Variants in CFD observed in about 807,000 individuals in gnomAD.
The protein encoded by CFD is C3 convertase activator.
A neutral mutation model predicts 21.1 loss-of-function variants in CFD; 24 were observed. That is an observed-to-expected ratio of 1.14 (90% CI 0.82 to 1.60). The LOEUF (loss-of-function observed/expected upper bound fraction) is 1.60. CFD is among the 40% of genes most tolerant of loss of function. The pLI is 0.00. For missense variants in CFD, 535 were observed against 383.3 expected (o/e 1.40, Z -3.31); for synonymous variants, 242 against 175.9 (o/e 1.38, Z -2.97).
intron 4 of CFD, 128 bp downstream of exon 4, chr19:862,084 A>G: frequency 3.7e-6 from 5 of 1,354,202 alleles, no homozygotes; most frequent in Non-Finnish European, 4.8e-6. Context: ...AGGGGGCGGG[A>G]ACTGGAAGAT....
chr19:861,248 A>T (rs1228375719), intron 3 of CFD, among the ~76,000 whole-genome samples: 16 of 86,946 alleles, frequency 1.8e-4, no homozygotes, highest in African/African-American at 6.6e-4. Flanking sequence ...CTGCATGGGG[A>T]CCCCGCCCCA....
At chr19:861,977 G>A (rs1176391172) in intron 4 of CFD, 21 bp downstream of exon 4, 7 of 1,533,960 alleles carry the variant, frequency 4.6e-6, no homozygotes, top group Non-Finnish European at 6.1e-6. Context: ...AGGCCTGGGA[G>A]GAGACGCGGG....
rs1336889613 is a variant in CFD at position 863,130 on chromosome 19, C to T, written c.654C>T (p.Leu218=). ...GCCCGCTGGTGTGCGGGGGCGTGCT[C>T]GAGGGCGTGGTCACCTCGGGCTCGC... ...SGGPLVCGGV[L]EGVVTSGSRV... Residue 218 remains leucine (L), a synonymous_variant, in exon 5 of 5, where the codon CTC becomes CTT. Coordinates refer to ENST00000327726, the MANE Select transcript of CFD (RefSeq NM_001928.4). The T allele has an allele frequency of 4.6e-6, 7 of 1,532,404 alleles. No individual in the cohort carries two copies. The highest frequency in any genetic ancestry group is 1.2e-5 in the South Asian group (1 of 83,940). The allele number at this position is 1,532,404 out of a possible 1,614,324, so 94.9% of individuals were successfully genotyped here.
Position 860,672 on chromosome 19 carries a change from G to A in CFD, c.111G>A (p.Arg37=). 1 of 1,530,166 alleles carries A rather than the reference G, an allele frequency of 6.5e-7. No homozygotes were observed. The highest frequency in any genetic ancestry group is 8.7e-7 in the Non-Finnish European group (1 of 1,147,848). 94.8% of individuals were successfully genotyped at this position (1,530,166 alleles called of 1,614,324 possible). The part of the protein sequence containing the change: ...LGGREAEAHA[R]PYMASVQLNG... The stretch of plus-strand genomic sequence containing the variant: ...GCAGAGAGGCCGAGGCGCACGCGCG[G>A]CCCTACATGGCGTCGGTGCAGCTGA... The change falls in exon 2 of 5, where the codon CGG becomes CGA. Residue 37 remains arginine (R), a synonymous_variant. Coordinates refer to ENST00000327726, the MANE Select transcript of CFD (RefSeq NM_001928.4).
chr19:860,991 C>A lies in CFD; in HGVS notation c.343C>A (p.Leu115Ile). 17 of 1,598,826 alleles carry A rather than the reference C, an allele frequency of 1.1e-5. No homozygotes were observed. Among genetic ancestry groups the A allele is most frequent in the Non-Finnish European group, 1.4e-5 (17 of 1,179,554 alleles). The change falls in exon 3 of 5, where the codon CTC (leucine) becomes ATC (isoleucine). Residue 115 changes from leucine (L) to isoleucine (I), a missense_variant. Leu to Ile is a conservative substitution (Grantham distance 5). Coordinates refer to ENST00000327726, the MANE Select transcript of CFD (RefSeq NM_001928.4). ...CCAGCCCGACACCATCGACCACGAC[C>A]TCCTGCTGCTACAGGTCGGCCCCGT... ...DSQPDTIDHD[L>I]LLLQLSEKAT...
At position 860,940 on chromosome 19, in the gene CFD, C is replaced by T. The variant is rs771039898; in HGVS notation, c.292C>T (p.Leu98Phe). 1.2e-6 allele frequency: 2 copies of T among 1,601,178 alleles called. No individual in the cohort carries two copies. The highest frequency in any genetic ancestry group is 1.7e-5 in the Admixed American group (1 of 59,842). ...GCCCTCCAAGCGCCTGTACGACGTG[C>T]TCCGCGCAGTGCCCCACCCGGACAG... ...PEPSKRLYDV[L>F]RAVPHPDSQP... Residue 98 changes from leucine (L) to phenylalanine (F), a missense_variant, in exon 3 of 5, where the codon CTC becomes TTC. Leu to Phe is a conservative substitution (Grantham distance 22). Coordinates refer to ENST00000327726, the MANE Select transcript of CFD (RefSeq NM_001928.4).
chr19:863,545 T>C lies in CFD; in HGVS notation c.*307T>C, dbSNP rs1012812525. 2 of 437,300 alleles carry C rather than the reference T, an allele frequency of 4.6e-6. No homozygotes were observed. The highest frequency in any genetic ancestry group is 4.1e-5 in the African/African-American group (2 of 48,560). 27.1% of individuals were successfully genotyped at this position (437,300 alleles called of 1,614,324 possible). Reference sequence around the variant, plus strand: ...TGAACGCAGGAGGCTGAGGCTGCAGTGAGTTGTGATTGCACCACTGCCCTC... The same window carrying C: ...TGAACGCAGGAGGCTGAGGCTGCAGCGAGTTGTGATTGCACCACTGCCCTC... On this transcript the variant is annotated 3_prime_UTR_variant, in exon 5 of 5. Transcript: ENST00000327726.
In CFD at chr19:861,818, G is replaced by A; in HGVS notation, c.477G>A (p.Ala159=). ...CCGGCTGGGGCATAGTCAACCACGC[G>A]GGCCGCCGCCCGGACAGCCTGCAGC... ...DVAGWGIVNH[A]GRRPDSLQHV... The change falls in exon 4 of 5, where the codon GCG becomes GCA. Residue 159 remains alanine, a synonymous_variant. Coordinates refer to ENST00000327726, the MANE Select transcript of CFD (RefSeq NM_001928.4). 2 of 1,602,608 alleles carry A rather than the reference G, an allele frequency of 1.2e-6. No homozygotes were observed. Among genetic ancestry groups the A allele is most frequent in the Non-Finnish European group, 1.7e-6 (2 of 1,179,050 alleles).
intron 1 of CFD, 81 bp from the exon 2 acceptor site, chr19:860,536 G>A (rs899735197): frequency 1.2e-5 from 16 of 1,322,100 alleles, no homozygotes; most frequent in Non-Finnish European, 1.6e-5. Flanking sequence ...GGCCTGGGGG[G>A]TGAGAGCTGG....
chr19:860,049 G>C (rs542731477), intron 1 of CFD, among the ~76,000 whole-genome samples: 1 of 152,156 alleles, frequency 6.6e-6, no homozygotes, highest in Non-Finnish European at 1.5e-5. Context: ...CCAACTGGAA[G>C]GCACTGCGCC....
rs1460833216 is a variant in CFD, at chr19:861,970, C to A, written c.615+14C>A. On this transcript the variant is annotated intron_variant, in intron 4 of 4. Coordinates refer to ENST00000327726, the MANE Select transcript of CFD (RefSeq NM_001928.4). ...GACAGCTGCAAGGTGAGCCTTCAGG[C>A]CTGGGAGGAGACGCGGGGCCTGCAG... The A allele has an allele frequency of 1.3e-6, 2 of 1,537,556 alleles. No homozygotes were observed. Among genetic ancestry groups the A allele is most frequent in the African/African-American group, 2.7e-5 (2 of 73,164 alleles).
rs773193166 is a variant in CFD at position 860,723 on chromosome 19, C to A, written c.162C>A (p.Val54=). 4 of 1,565,186 alleles carry A rather than the reference C, an allele frequency of 2.6e-6. No individual in the cohort carries two copies. Among genetic ancestry groups the A allele is most frequent in the South Asian group, 2.3e-5 (2 of 87,116 alleles). Residue 54 remains valine, a synonymous_variant, in exon 2 of 5, where the codon GTC becomes GTA. Coordinates refer to ENST00000327726, the MANE Select transcript of CFD (RefSeq NM_001928.4). ...ACGGCGCGCACCTGTGCGGCGGCGT[C>A]CTGGTGGCGGAGCAGTGGGTGCTGA... ...QLNGAHLCGG[V]LVAEQWVLSA...
rs776791472 is a variant in CFD at position 861,912 on chromosome 19, G to T, written c.571G>T (p.Glu191Ter). ...CACGCACCACGACGGCGCCATCACC[G>T]AGCGCTTGATGTGCGCGGAGAGCAA... is the stretch of plus-strand genomic sequence containing the variant. ...RRTHHDGAITERLMCAESNRR... is the reference protein window; with the variant it reads ...RRTHHDGAIT Residue 191 changes from glutamate to a stop codon, truncating the protein, a stop_gained, in exon 4 of 5, where the codon GAG (glutamate) becomes TAG (stop). Transcript: ENST00000327726. LOFTEE classifies it low-confidence loss of function (END_TRUNC). 1.8e-5 allele frequency: 29 copies of T among 1,573,500 alleles called. No homozygotes were observed. The highest frequency in any genetic ancestry group is 2.5e-5 in the Non-Finnish European group (29 of 1,166,928).
intron 1 of CFD, 40 bp from the exon 2 acceptor site, chr19:860,577 G>A (rs540425316): frequency 1.4e-6 from 2 of 1,388,038 alleles, no homozygotes; most frequent in South Asian, 3.2e-5. Flanking sequence ...CCCGGGGGAG[G>A]AGTCCACCCC....
chr19:863,154 G>C lies in CFD; in HGVS notation c.678G>C (p.Ser226=). ...GVLEGVVTSG[S]RVCGNRKKPG... ...TCGAGGGCGTGGTCACCTCGGGCTC[G>C]CGCGTTTGCGGCAACCGCAAGAAGC... Residue 226 remains serine, a synonymous_variant, in exon 5 of 5, where the codon TCG becomes TCC. Transcript: ENST00000327726. 16 of 1,535,826 alleles carry C rather than the reference G, an allele frequency of 1.0e-5. No individual in the cohort carries two copies. The highest frequency in any genetic ancestry group is 1.4e-5 in the Non-Finnish European group (16 of 1,146,236).
At position 863,427 on chromosome 19, in the gene CFD, CAAAT is replaced by C. The variant is rs747692803; in HGVS notation, c.*197_*200del. On this transcript the variant is annotated 3_prime_UTR_variant, in exon 5 of 5. Transcript: ENST00000327726. Reference sequence around the variant, plus strand: ...GCCACGTAGCGCGACTCCATCTCTACAAATAAATAAAAAATTAGCTGGGCAATTG... The same window carrying C: ...GCCACGTAGCGCGACTCCATCTCTACAAATAAAAAATTAGCTGGGCAATTG... 4.2e-5 allele frequency: 28 copies of C among 659,476 alleles called. No homozygotes were observed. Among genetic ancestry groups the C allele is most frequent in the Middle Eastern group, 5.1e-4 (2 of 3,916 alleles). 40.9% of individuals were successfully genotyped at this position (659,476 alleles called of 1,614,324 possible). A position where few individuals can be genotyped will look rare whatever the true frequency, so the allele number is the denominator to read the frequency against.
At chr19:861,033 T>G (rs2035784237) in intron 3 of CFD, 28 bp downstream of exon 3, 2 of 1,592,464 alleles carry the variant, frequency 1.3e-6, no homozygotes, top group South Asian at 1.1e-5. Flanking sequence ...CAGTCCCTCC[T>G]GCGGCGCTGG....
At chr19:861,593 C>CTGCCCTGATGCCCACGCCG (rs1568309925) in intron 3 of CFD, 106 bp from the exon 4 acceptor site, 34 of 1,377,672 alleles carry the variant, frequency 2.5e-5, no homozygotes, top group Non-Finnish European at 2.6e-5. Context: ...GACCCACGCC[C>CTGCCCTGATGCCCACGCCG]CTGCCCTGAT....
intron 3 of CFD, 148 bp from the exon 4 acceptor site, chr19:861,551 G>T: frequency 1.7e-6 from 1 of 593,838 alleles, no homozygotes; most frequent in Non-Finnish European, 2.6e-6. Context: ...CCCCCACCCA[G>T]GGTCTAGCCT....
Sources: allele counts gnomAD v4.1 joint callset (sites outside exome capture counted in the v4.1 genomes callset), GRCh38; gene constraint gnomAD v4.1.1; transcripts MANE v1.5; gene names NCBI Gene and HGNC (gene_info 2026-07-23, HGNC 2026-07-21).